Variants in UGT1A4 observed in about 807,000 individuals in gnomAD.
The protein encoded by UGT1A4 is UDP-glucuronosyltransferase 1A4.
A neutral mutation model predicts 41.1 loss-of-function variants in UGT1A4; 32 were observed. That is an observed-to-expected ratio of 0.78 (90% confidence interval 0.59 to 1.05). The LOEUF (loss-of-function observed/expected upper bound fraction) is 1.05, where lower values mean the gene tolerates loss of function less well. Among genes scored for constraint, UGT1A4 ranks in the 50% least tolerant of loss-of-function variants. The pLI, the probability that UGT1A4 is intolerant of heterozygous loss-of-function variation, is 0.00. For synonymous variants in UGT1A4, 283 were observed against 265.1 expected (o/e 1.07, Z -0.66); for missense variants, 748 against 677.4 (o/e 1.10, Z -1.16).
chr2:233,731,982 T>C (rs936253936), intron 1 of UGT1A4, among the ~76,000 whole-genome samples: 5 of 152,356 alleles, frequency 3.3e-5, no homozygotes, highest in Admixed American at 2.0e-4. Context: ...CCATTCTAAC[T>C]GGCGTGAGAT....
At chr2:233,770,445 G>A (rs1397015735) in intron 4 of UGT1A4, 1 of 152,118 alleles carries the variant, frequency 6.6e-6, no homozygotes, top group Middle Eastern at 3.2e-3. Flanking sequence ...CTTGAGGTTA[G>A]GAGTTCGAAA....
At position 233,772,584 on chromosome 2, in the gene UGT1A4, A is replaced by T; in HGVS notation, c.*25A>T. 6.2e-7 allele frequency: 1 copy of T among 1,604,676 alleles called. No homozygotes were observed. The highest frequency in any genetic ancestry group is 8.5e-7 in the Non-Finnish European group (1 of 1,174,986). On this transcript the variant is annotated 3_prime_UTR_variant, in exon 5 of 5. Transcript: ENST00000373409. ...AGAAGTGGGTGGGAAATAAGGTAAAATTTTGAACCATTCCCTAGTCATTTC... is the reference window on the plus strand; with the variant it reads ...AGAAGTGGGTGGGAAATAAGGTAAATTTTTGAACCATTCCCTAGTCATTTC...
rs1178608845 is a variant in UGT1A4, at chr2:233,760,418, T to A, written c.868-6616T>A. The A allele has an allele frequency of 8.7e-6, 14 of 1,614,198 alleles. No homozygotes were observed. The highest frequency in any genetic ancestry group is 1.1e-5 in the Non-Finnish European group (13 of 1,180,018). On this transcript the variant is annotated intron_variant, in intron 1 of 4. Transcript: ENST00000373409. ...GATGGCAGCCACTGGCTGAGCATGC[T>A]TGGGGCCATCCAGCAGCTGCAGCAG...
At chr2:233,763,944 G>T (rs1331783792) in intron 1 of UGT1A4, among the ~76,000 whole-genome samples, 1 of 152,182 alleles carries the variant, frequency 6.6e-6, no homozygotes, top group South Asian at 2.1e-4. Flanking sequence ...AGGAAAGCTT[G>T]GGAGCAGGGA....
rs760289864 is a variant in UGT1A4 at position 233,772,449 on chromosome 2, G to A, written c.1495G>A (p.Val499Ile). 8 of 1,614,068 alleles carry A rather than the reference G, an allele frequency of 5.0e-6. No homozygotes were observed. Among genetic ancestry groups the A allele is most frequent in the Middle Eastern group, 1.6e-4 (1 of 6,084 alleles). Residue 499 changes from valine (V) to isoleucine (I), a missense_variant, in exon 5 of 5, where the codon GTC becomes ATC. Physicochemically the swap from Val to Ile is conservative, Grantham distance 29 (BLOSUM62 3). Transcript: ENST00000373409. ...GGACGTGATTGGTTTCCTCTTGGCCGTCGTGCTGACAGTGGCCTTCATCAC... is the reference window on the plus strand; with the variant it reads ...GGACGTGATTGGTTTCCTCTTGGCCATCGTGCTGACAGTGGCCTTCATCAC... ...SLDVIGFLLA[V>I]VLTVAFITFK...
At chr2:233,739,631 G>A (rs767111221) in intron 1 of UGT1A4, among the ~76,000 whole-genome samples, 3 of 152,206 alleles carry the variant, frequency 2.0e-5, no homozygotes, top group Admixed American at 6.5e-5. Context: ...ATTTGAAATG[G>A]GAACATTTAC....
intron 1 of UGT1A4, chr2:233,752,519 T>C (rs1480791131): frequency 6.6e-6 from 1 of 152,208 alleles, no homozygotes; most frequent in East Asian, 1.9e-4. Context: ...ATTTTTCAAT[T>C]CTAAAAATTC....
intron 1 of UGT1A4, chr2:233,729,155 C>G (rs754518469): frequency 1.9e-6 from 3 of 1,613,596 alleles, no homozygotes; most frequent in South Asian, 1.1e-5. Context: ...GTTCCCCTGC[C>G]GTGGCTGGCC....
rs1028385252 is a variant in UGT1A4 at position 233,772,759 on chromosome 2, C to T, written c.*200C>T. On this transcript the variant is annotated 3_prime_UTR_variant, in exon 5 of 5. Transcript: ENST00000373409. ...TCAGTAAAGATATTTGAATATGTAT[C>T]GTGCCCCCTCTGGTGTCTTTGATCA... is the stretch of plus-strand genomic sequence containing the variant. 2.3e-5 allele frequency: 32 copies of T among 1,393,958 alleles called. No individual in the cohort carries two copies. In the Admixed American group the frequency reaches 4.6e-4, roughly 20 times the overall value. The allele number at this position is 1,393,958 out of a possible 1,614,324, so 86.3% of individuals were successfully genotyped here. A position where few individuals can be genotyped will look rare whatever the true frequency, so the allele number is the denominator to read the frequency against.
At chr2:233,771,306 T>TTTCCCTCTCCTC (rs2126060458) in intron 4 of UGT1A4, 1 of 152,368 alleles carries the variant, frequency 6.6e-6, no homozygotes, top group South Asian at 2.1e-4. Context: ...TCCTCCTCCT[T>TTTCCCTCTCCTC]TTCCCTCTCC....
intron 1 of UGT1A4, among the ~76,000 whole-genome samples, chr2:233,737,879 A>G (rs1333884125): frequency 6.6e-6 from 1 of 152,166 alleles, no homozygotes; most frequent in East Asian, 1.9e-4. Flanking sequence ...TTCCACATTA[A>G]CAAAGCTAAT....
In UGT1A4 at chr2:233,772,878, G is replaced by T; in HGVS notation, c.*319G>T. 3.5e-6 allele frequency: 2 copies of T among 577,672 alleles called. No individual in the cohort carries two copies. The highest frequency in any genetic ancestry group is 5.2e-5 in the East Asian group (1 of 19,352). The allele number at this position is 577,672 out of a possible 1,614,324, so 35.8% of individuals were successfully genotyped here. A position where few individuals can be genotyped will look rare whatever the true frequency, so the allele number is the denominator to read the frequency against. Reference sequence around the variant, plus strand: ...GAAACATGGCCTGTTTGGGAGTGCGGGATTCAAAGGTGGTCCCACGGCTGC... The same window carrying T: ...GAAACATGGCCTGTTTGGGAGTGCGTGATTCAAAGGTGGTCCCACGGCTGC... On this transcript the variant is annotated 3_prime_UTR_variant, in exon 5 of 5. Transcript: ENST00000373409.
intron 1 of UGT1A4, chr2:233,752,620 G>A (rs1390592836): frequency 7.2e-5 from 11 of 152,184 alleles, no homozygotes; most frequent in Non-Finnish European, 2.9e-5. Flanking sequence ...TTAGCTAGGT[G>A]TGGTAGCTGT....
rs1035578503 is a variant in UGT1A4 at position 233,760,453 on chromosome 2, G to C, written c.868-6581G>C. 3 of 1,614,120 alleles carry C rather than the reference G, an allele frequency of 1.9e-6. No individual in the cohort carries two copies. The African/African-American group carries it at 4.0e-5, about 22-fold the overall frequency. ...CCAGCAGCTGCAGCAGAGGGGACAT[G>C]AAATAGTTGTCCTAGCACCTGACGC... On this transcript the variant is annotated intron_variant, in intron 1 of 4. Transcript: ENST00000373409.
chr2:233,726,010 C>A (rs575189558), intron 1 of UGT1A4, among the ~76,000 whole-genome samples: 58 of 152,004 alleles, frequency 3.8e-4, no homozygotes, highest in African/African-American at 1.2e-3. Context: ...TACAAAAAAT[C>A]AAAAAATTAT....
At chr2:233,745,373 C>A (rs1317791294) in intron 1 of UGT1A4, among the ~76,000 whole-genome samples, 1 of 151,774 alleles carries the variant, frequency 6.6e-6, no homozygotes, top group East Asian at 1.9e-4. Flanking sequence ...GATCTGAGTT[C>A]TCTTCACCTC....
intron 1 of UGT1A4, among the ~76,000 whole-genome samples, chr2:233,757,936 C>A (rs1430982400): frequency 6.6e-6 from 1 of 152,072 alleles, no homozygotes; most frequent in African/African-American, 2.4e-5. Context: ...AAAGCAAGAC[C>A]ATCATATTGC....
At chr2:233,723,024 G>A (rs1419392823) in intron 1 of UGT1A4, among the ~76,000 whole-genome samples, 1 of 144,364 alleles carries the variant, frequency 6.9e-6, no homozygotes, top group Non-Finnish European at 1.5e-5. Flanking sequence ...AAGGTGGAAG[G>A]GCCAGCGGGA....
At position 233,769,512 on chromosome 2, in the gene UGT1A4, C is replaced by T; in HGVS notation, c.1307+1073C>T. ...TTATGAGAGTGTCCATTGCTTTCTCCCATGGTTACCTCCTTTAGAAAGAAG... is the reference window on the plus strand; with the variant it reads ...TTATGAGAGTGTCCATTGCTTTCTCTCATGGTTACCTCCTTTAGAAAGAAG... On this transcript the variant is annotated intron_variant, in intron 4 of 4. Transcript: ENST00000373409. This position sits in a 1 kb window ranked among gnomAD's most constrained non-coding sequence, Gnocchi z 4.4. 1 of 1,612,734 alleles carries T rather than the reference C, an allele frequency of 6.2e-7. No homozygotes were observed. The highest frequency in any genetic ancestry group is 8.5e-7 in the Non-Finnish European group (1 of 1,179,852).
Sources: allele counts gnomAD v4.1 joint callset (sites outside exome capture counted in the v4.1 genomes callset), GRCh38; gene constraint gnomAD v4.1.1; non-coding constraint Gnocchi (gnomAD v3.1); transcripts MANE v1.5; gene names NCBI Gene and HGNC (gene_info 2026-07-23, HGNC 2026-07-21).